The following TRPV1 variants were observed in gnomAD, a reference collection of about 807,000 sequenced individuals.
TRPV1 encodes OTRPC1.
A neutral mutation model predicts 82.3 loss-of-function variants in TRPV1; 82 were observed. The ratio of observed to expected loss-of-function variants is 1.00; its 90% CI spans 0.83 to 1.20. TRPV1 has a LOEUF of 1.20. Ranked by LOEUF, TRPV1 falls within the 50% of genes most tolerant of loss-of-function variation. The pLI, the probability that TRPV1 is intolerant of heterozygous loss-of-function variation, is 0.00. For synonymous variants in TRPV1, 515 were observed against 467.7 expected (o/e 1.10, Z -1.30); for missense variants, 1,067 against 1,096.8 (o/e 0.97, Z 0.38).
rs200160392 is a variant in TRPV1, at chr17:3,592,214, C to T, written c.137G>A (p.Arg46His). The part of the protein sequence containing the change: ...AKPQLSTAKS[R>H]TRLFGKGDSE... ...GTCACCCTTCCCAAAGAGCCGGGTG[C>T]GGCTCTTGGCCGTGGAGAGCTGGGG... is the stretch of plus-strand genomic sequence containing the variant. The change falls in exon 3 of 17, where the codon CGC (arginine) becomes CAC (histidine). Residue 46 changes from arginine (R) to histidine (H), a missense_variant. Coordinates refer to ENST00000572705, the MANE Select transcript of TRPV1 (RefSeq NM_080704.4). 2.4e-5 allele frequency: 38 copies of T among 1,612,408 alleles called. No homozygotes were observed. The highest frequency in any genetic ancestry group is 5.3e-5 in the African/African-American group (4 of 74,890).
chr17:3,576,668 A>AAAAAAAAATATATATATAT, intron 13 of TRPV1, among the ~76,000 whole-genome samples: 23 of 38,408 alleles, frequency 6.0e-4, no homozygotes, highest in East Asian at 1.7e-3. Flanking sequence ...AAAAAAAAAA[A>AAAAAAAAATATATATATAT]ATATATATAT....
intron 2 of TRPV1, among the ~76,000 whole-genome samples, chr17:3,606,502 C>T (rs1358342903): frequency 6.6e-6 from 1 of 152,204 alleles, no homozygotes; most frequent in East Asian, 1.9e-4. Context: ...GGGGAAGGTG[C>T]AGCCCTGCCG....
rs200495524 is a variant in TRPV1 at position 3,573,933 on chromosome 17, G to A, written c.1803C>T (p.Asp601=). The change falls in exon 14 of 17, where the codon GAC becomes GAT. Residue 601 remains aspartate (D), a synonymous_variant. Transcript: ENST00000572705. ...CAGACGGCAGGGAGTCATTCTTCCCGTCTTCAATCAGCGTCACCACCGCTA... is the reference window on the plus strand; with the variant it reads ...CAGACGGCAGGGAGTCATTCTTCCCATCTTCAATCAGCGTCACCACCGCTA... ...FSTAVVTLIE[D]GKNDSLPSES... is the part of the protein sequence containing the mutation. 191 of 1,604,432 alleles carry A rather than the reference G, an allele frequency of 1.2e-4. 1 individual carries two copies. The African/African-American group carries it at 1.9e-3, about 16-fold the overall frequency.
intron 15 of TRPV1, among the ~76,000 whole-genome samples, chr17:3,571,850 T>C (rs779521990): frequency 1.3e-5 from 2 of 152,272 alleles, no homozygotes; most frequent in South Asian, 4.1e-4. Flanking sequence ...ACATATTGGA[T>C]GCCAGGCTCT....
chr17:3,576,677 A>ATATATATATATATATATG (rs1555549479), intron 13 of TRPV1, among the ~76,000 whole-genome samples: 38 of 95,250 alleles, frequency 4.0e-4, no homozygotes, highest in African/African-American at 1.2e-3. Flanking sequence ...AAATATATAT[A>ATATATATATATATATATG]TATATATATA....
At position 3,592,370 on chromosome 17, in the gene TRPV1, G is replaced by A; in HGVS notation, c.-20C>T. On this transcript the variant is annotated 5_prime_UTR_variant, in exon 3 of 17. Coordinates refer to ENST00000572705, the MANE Select transcript of TRPV1 (RefSeq NM_080704.4). ...CTTCATCCTTGCTGGATCCTCTGTG[G>A]CCCAGTGTGCAACCTGCAGCAGCCA... 6.4e-7 allele frequency: 1 copy of A among 1,574,120 alleles called. No homozygotes were observed. The highest frequency in any genetic ancestry group is 1.1e-5 in the South Asian group (1 of 87,044).
At chr17:3,585,985 A>G in intron 8 of TRPV1, 59 bp from the exon 9 acceptor site, 1 of 1,599,708 alleles carries the variant, frequency 6.3e-7, no homozygotes, top group Non-Finnish European at 8.5e-7. Context: ...TCGCACGCCC[A>G]CACCAGCCCG....
intron 13 of TRPV1, among the ~76,000 whole-genome samples, chr17:3,576,114 G>A (rs1336310942): frequency 6.6e-6 from 1 of 151,466 alleles, no homozygotes; most frequent in African/African-American, 2.4e-5. Context: ...CCCAGCTACT[G>A]GGGAGGCTGA....
rs373026968 is a variant in TRPV1, at chr17:3,592,229, G to A, written c.122C>T (p.Ser41Phe). Residue 41 changes from serine (S) to phenylalanine (F), a missense_variant, in exon 3 of 17, where the codon TCC becomes TTC. Ser to Phe is a radical substitution (Grantham distance 155). Coordinates refer to ENST00000572705, the MANE Select transcript of TRPV1 (RefSeq NM_080704.4). ...GAGCCGGGTGCGGCTCTTGGCCGTGGAGAGCTGGGGCTTGGCTGGAGGTGG... is the reference window on the plus strand; with the variant it reads ...GAGCCGGGTGCGGCTCTTGGCCGTGAAGAGCTGGGGCTTGGCTGGAGGTGG... The part of the protein sequence containing the change: ...SRPPPAKPQL[S>F]TAKSRTRLFG... 2 of 1,611,824 alleles carry A rather than the reference G, an allele frequency of 1.2e-6. No individual in the cohort carries two copies. The highest frequency in any genetic ancestry group is 4.5e-5 in the East Asian group (2 of 44,784).
In TRPV1 at chr17:3,572,108, A is replaced by G; in HGVS notation, c.2231+14T>C. The stretch of plus-strand genomic sequence containing the variant: ...AGCTCCCAAGCCCTGATTCAGGTGG[A>G]GCCTGGGCATTACCTGAAGCACCAC... On this transcript the variant is annotated intron_variant, in intron 15 of 16. Transcript: ENST00000572705. 1 of 1,611,594 alleles carries G rather than the reference A, an allele frequency of 6.2e-7. No individual in the cohort carries two copies. Among genetic ancestry groups the G allele is most frequent in the East Asian group, 2.2e-5 (1 of 44,784 alleles).
At position 3,585,903 on chromosome 17, in the gene TRPV1, CA is replaced by C; in HGVS notation, c.1247del (p.Val416GlyfsTer4). ...ETPNRHDMLLVEPLNRLLQDK... is the reference protein window; with the variant it reads ...ETPNRHDMLLXEPLNRLLQDK... ...CCTGCAGGAGTCGGTTCAGCGGCTC[CA>C]CCAAGAGCATGTCGTGGCGATTCTA... On this transcript the variant is annotated frameshift_variant, in exon 9 of 17. Coordinates refer to ENST00000572705, the MANE Select transcript of TRPV1 (RefSeq NM_080704.4). LOFTEE classifies it high-confidence loss of function. 1 of 1,614,004 alleles carries C rather than the reference CA, an allele frequency of 6.2e-7. No homozygotes were observed.
chr17:3,585,571 T>C (rs1222267501), intron 9 of TRPV1, 197 bp downstream of exon 9: 1 of 615,216 alleles, frequency 1.6e-6, no homozygotes, highest in Non-Finnish European at 2.8e-6. Flanking sequence ...AGGGGGCGGG[T>C]CTCCTGTACA....
intron 16 of TRPV1, among the ~76,000 whole-genome samples, chr17:3,568,321 C>CAAAAA (rs536064872): frequency 5.7e-5 from 5 of 88,108 alleles, no homozygotes; most frequent in Admixed American, 1.3e-4. Context: ...GACTCCGTCT[C>CAAAAA]AAAAAAAAAA....
At chr17:3,574,442 G>A (rs1038946565) in intron 13 of TRPV1, among the ~76,000 whole-genome samples, 20 of 152,120 alleles carry the variant, frequency 1.3e-4, no homozygotes, top group Non-Finnish European at 7.3e-5. Context: ...AAACCCCCCC[G>A]GCCTAGTCCC....
In TRPV1 at chr17:3,566,819, T is replaced by A. The variant is rs1215019055; in HGVS notation, c.2516A>T (p.Lys839Met). 6.2e-7 allele frequency: 1 copy of A among 1,613,674 alleles called. No individual in the cohort carries two copies. Residue 839 changes from lysine to methionine, a missense_variant, in exon 17 of 17, where the codon AAG becomes ATG. By Grantham distance (95) the Lys-to-Met change is moderately conservative. Coordinates refer to ENST00000572705, the MANE Select transcript of TRPV1 (RefSeq NM_080704.4). ...AGTGCTGTCTGCGTGACGTCCTCAC[T>A]TCTCCCCGGAAGCGGCAGGACTCTT... ...VFKSPAASGE[K>M]
intron 16 of TRPV1, among the ~76,000 whole-genome samples, chr17:3,568,770 G>A (rs764275224): frequency 7.2e-5 from 11 of 152,124 alleles, no homozygotes; most frequent in Non-Finnish European, 1.2e-4. Context: ...GGCAAGGCAC[G>A]GTGGCTCGCA....
intron 3 of TRPV1, among the ~76,000 whole-genome samples, chr17:3,591,856 G>A (rs1428899729): frequency 1.3e-5 from 2 of 152,202 alleles, no homozygotes; most frequent in African/African-American, 2.4e-5. Context: ...TAGGCATTGC[G>A]GGCGTGGACA....
chr17:3,585,066 C>T (rs564783616), intron 9 of TRPV1: 1 of 152,162 alleles, frequency 6.6e-6, no homozygotes, highest in South Asian at 2.1e-4. Context: ...TGATGGTGGG[C>T]TCTGGGCTTA....
intron 7 of TRPV1, among the ~76,000 whole-genome samples, chr17:3,589,585 A>G (rs1481665164): frequency 6.6e-6 from 1 of 151,952 alleles, no homozygotes; most frequent in Non-Finnish European, 1.5e-5. Flanking sequence ...TGTTGCTGAT[A>G]CTCAGAGCTG....
Sources: allele counts gnomAD v4.1 joint callset (sites outside exome capture counted in the v4.1 genomes callset), GRCh38; gene constraint gnomAD v4.1.1; transcripts MANE v1.5; gene names NCBI Gene and HGNC (gene_info 2026-07-23, HGNC 2026-07-21).